The following VWC2 variants were observed in gnomAD, a reference collection of about 807,000 sequenced individuals.
The protein encoded by VWC2 is brorin.
Under a neutral mutation model 29.8 loss-of-function variants are expected in VWC2, and 14 were observed. The observed-to-expected ratio is 0.47, with a 90% CI of 0.31 to 0.74. The LOEUF is 0.74. VWC2 is among the 30% of genes least tolerant of loss of function. The pLI, the probability that VWC2 is intolerant of heterozygous loss-of-function variation, is 0.05. For synonymous variants in VWC2, 213 were observed against 199.0 expected (o/e 1.07, Z -0.59); for missense variants, 457 against 459.8 (o/e 0.99, Z 0.05).
At chr7:49,802,950 G>C (rs1450035614) in intron 3 of VWC2, 110 bp downstream of exon 3, 1 of 1,422,390 alleles carries the variant, frequency 7.0e-7, no homozygotes, top group African/African-American at 1.4e-5. Flanking sequence ...TTCATCCTAT[G>C]TATCAATACA....
chr7:49,887,939 C>T lies in VWC2; in HGVS notation c.827-24095C>T, dbSNP rs146275870. ...GTTCTCCAATCTATGTTTATTCATT[C>T]GCTTATTTACATTTGTGTATCTGTA... is the stretch of plus-strand genomic sequence containing the variant. On this transcript the variant is annotated intron_variant, in intron 3 of 3. Transcript: ENST00000340652. Among the ~76,000 whole-genome samples the T allele has an allele frequency of 2.1e-4, 32 of 152,336 alleles. No homozygotes were observed. In the East Asian group the frequency reaches 4.8e-3, roughly 23 times the overall value.
chr7:49,828,121 A>G (rs1463302833), intron 3 of VWC2, among the ~76,000 whole-genome samples: 1 of 152,196 alleles, frequency 6.6e-6, no homozygotes, highest in Non-Finnish European at 1.5e-5. Context: ...AGAATCTTAC[A>G]TGAGATGTTT....
chr7:49,813,133 C>T (rs1247541590), intron 3 of VWC2, among the ~76,000 whole-genome samples: 2 of 152,192 alleles, frequency 1.3e-5, no homozygotes, highest in Admixed American at 6.5e-5. Flanking sequence ...TTCTCCGTGT[C>T]ATTCTAGGCT....
intron 3 of VWC2, among the ~76,000 whole-genome samples, chr7:49,885,135 G>A (rs891217191): frequency 6.6e-6 from 1 of 151,962 alleles, no homozygotes; most frequent in Non-Finnish European, 1.5e-5. Flanking sequence ...ATCTCTAAAG[G>A]AGAAACAGAA....
chr7:49,877,507 T>TATATAGATATATAG (rs1791485339), intron 3 of VWC2, among the ~76,000 whole-genome samples: 1 of 90,318 alleles, frequency 1.1e-5, no homozygotes, highest in Non-Finnish European at 2.3e-5. Flanking sequence ...TATATATATA[T>TATATAGATATATAG]ATATATATAT....
At chr7:49,801,425 C>T (rs899936981) in intron 2 of VWC2, among the ~76,000 whole-genome samples, 24 of 152,198 alleles carry the variant, frequency 1.6e-4, no homozygotes, top group African/African-American at 5.8e-4. Flanking sequence ...ATATGCTCTT[C>T]CTGCTTTGTC....
intron 3 of VWC2, among the ~76,000 whole-genome samples, chr7:49,900,154 T>C (rs1792635602): frequency 6.6e-6 from 1 of 151,710 alleles, no homozygotes; most frequent in Non-Finnish European, 1.5e-5. Context: ...TAAATAAAAA[T>C]ATATGTGTGG....
chr7:49,786,622 C>T (rs1339597739), intron 2 of VWC2, among the ~76,000 whole-genome samples: 1 of 152,186 alleles, frequency 6.6e-6, no homozygotes, highest in Non-Finnish European at 1.5e-5. Context: ...GCTCCCTTTT[C>T]TCTGCAGCCT....
intron 3 of VWC2, among the ~76,000 whole-genome samples, chr7:49,877,120 T>C (rs1250098044): frequency 2.6e-5 from 4 of 152,088 alleles, no homozygotes; most frequent in Admixed American, 6.6e-5. Flanking sequence ...AGAAAATACA[T>C]TGGAAGACAC....
At chr7:49,829,887 T>A (rs187433961) in intron 3 of VWC2, among the ~76,000 whole-genome samples, 1 of 152,250 alleles carries the variant, frequency 6.6e-6, no homozygotes, top group Non-Finnish European at 1.5e-5. Context: ...GGAGACTCTT[T>A]ATCTGCTACC....
intron 3 of VWC2, among the ~76,000 whole-genome samples, chr7:49,836,060 C>T (rs1789649846): frequency 3.3e-5 from 5 of 152,130 alleles, no homozygotes; most frequent in South Asian, 2.1e-4. Context: ...AGGGAGTTTG[C>T]TAGTTAATTT....
intron 3 of VWC2, among the ~76,000 whole-genome samples, chr7:49,895,336 T>C (rs988441615): frequency 5.9e-5 from 9 of 152,136 alleles, no homozygotes; most frequent in African/African-American, 2.2e-4. Flanking sequence ...TACTATCACA[T>C]TGTTGATTAA....
At chr7:49,818,731 T>C (rs1337100928) in intron 3 of VWC2, among the ~76,000 whole-genome samples, 1 of 150,858 alleles carries the variant, frequency 6.6e-6, no homozygotes, top group Non-Finnish European at 1.5e-5. Context: ...AAAATATATA[T>C]ATATGTATAT....
intron 3 of VWC2, among the ~76,000 whole-genome samples, chr7:49,845,133 G>C (rs939507891): frequency 6.6e-6 from 1 of 152,138 alleles, no homozygotes; most frequent in Non-Finnish European, 1.5e-5. Context: ...CTGTCAGTGG[G>C]GGTGGGGGAA....
At chr7:49,903,191 A>C (rs1792872239) in intron 3 of VWC2, among the ~76,000 whole-genome samples, 1 of 152,224 alleles carries the variant, frequency 6.6e-6, no homozygotes, top group Admixed American at 6.5e-5. Context: ...ACAGTTTGTC[A>C]GTTTCTTATA....
At chr7:49,840,844 T>A (rs546317906) in intron 3 of VWC2, among the ~76,000 whole-genome samples, 2 of 152,196 alleles carry the variant, frequency 1.3e-5, no homozygotes, top group South Asian at 4.2e-4. Flanking sequence ...TCCCTCTCCA[T>A]CCTTTCTCTG....
At chr7:49,804,074 G>T (rs1392144195) in intron 3 of VWC2, among the ~76,000 whole-genome samples, 1 of 151,966 alleles carries the variant, frequency 6.6e-6, no homozygotes, top group Non-Finnish European at 1.5e-5. Flanking sequence ...TATAGGGTTG[G>T]CTGGTCTCTT....
intron 3 of VWC2, among the ~76,000 whole-genome samples, chr7:49,908,802 T>C (rs889836470): frequency 6.6e-6 from 1 of 152,184 alleles, no homozygotes; most frequent in African/African-American, 2.4e-5. Context: ...GAGAGCTAGC[T>C]TGAAGTCCAG....
rs777010189 is a variant in VWC2, at chr7:49,851,328, G to T, written c.826+48488G>T. Among the ~76,000 whole-genome samples the T allele has an allele frequency of 2.6e-5, 4 of 152,214 alleles. No homozygotes were observed. In the East Asian group the frequency reaches 5.8e-4, roughly 22 times the overall value. On this transcript the variant is annotated intron_variant, in intron 3 of 3. Transcript: ENST00000340652. ...TTGCAAAAACCCTTTTCCAAATAAG[G>T]CCTCATTCATGGGTTCTCAGTGGAC...
Sources: allele counts gnomAD v4.1 joint callset (sites outside exome capture counted in the v4.1 genomes callset), GRCh38; gene constraint gnomAD v4.1.1; transcripts MANE v1.5; gene names NCBI Gene and HGNC (gene_info 2026-07-23, HGNC 2026-07-21).